SYT16: variants seen among roughly 807,000 people sequenced by gnomAD.
The protein encoded by SYT16 is synaptotagmin-16.
Under a neutral mutation model 61.4 loss-of-function variants are expected in SYT16, and 42 were observed. That is an observed-to-expected ratio of 0.68 (90% CI 0.53 to 0.89). The LOEUF (loss-of-function observed/expected upper bound fraction) is 0.89, where lower values mean the gene tolerates loss of function less well. Among genes scored for constraint, SYT16 ranks in the 40% least tolerant of loss-of-function variants. The pLI, the probability that SYT16 is intolerant of heterozygous loss-of-function variation, is 0.00. For synonymous variants in SYT16, 314 were observed against 302.3 expected (o/e 1.04, Z -0.40); for missense variants, 804 against 807.3 (o/e 1.00, Z 0.05).
At chr14:62,092,768 C>A (rs998851311) in intron 7 of SYT16, among the ~76,000 whole-genome samples, 2 of 151,826 alleles carry the variant, frequency 1.3e-5, no homozygotes, top group African/African-American at 4.8e-5. Context: ...TATGGAGTTT[C>A]AGTTTTTACA....
chr14:61,927,343 G>GA (rs1175855730), intron 1 of SYT16, among the ~76,000 whole-genome samples: 63 of 152,322 alleles, frequency 4.1e-4, no homozygotes, highest in African/African-American at 1.2e-3. Flanking sequence ...CATCCCAGCT[G>GA]TGATCCTGCA....
Position 62,092,676 on chromosome 14 carries a change from G to GA in SYT16, c.1625-7709dup, listed in dbSNP as rs1297620721. Reference sequence around the variant, plus strand: ...CCACTTATAAGAGGTATTTAGAGTAGAAAAAAAAATCATAAAAGCCAGTAG... The same window carrying GA: ...CCACTTATAAGAGGTATTTAGAGTAGAAAAAAAAAATCATAAAAGCCAGTAG... On this transcript the variant is annotated intron_variant, in intron 7 of 7. Coordinates refer to ENST00000683842, the MANE Select transcript of SYT16 (RefSeq NM_001367656.1). Among the ~76,000 whole-genome samples the GA allele has an allele frequency of 1.5e-4, 22 of 150,666 alleles. No individual in the cohort carries two copies. The East Asian group carries it at 1.6e-3, about 11-fold the overall frequency.
chr14:62,044,101 G>A (rs950419215), intron 3 of SYT16, among the ~76,000 whole-genome samples: 2 of 151,910 alleles, frequency 1.3e-5, no homozygotes, highest in Admixed American at 6.6e-5. Context: ...CTTGGAGGCT[G>A]AGGAGGGAGG....
chr14:61,843,167 T>A, intron 1 of SYT16, among the ~76,000 whole-genome samples: 1 of 152,184 alleles, frequency 6.6e-6, no homozygotes, highest in East Asian at 1.9e-4. Context: ...CAACTGTTCT[T>A]CGTAGTTATT....
In SYT16 at chr14:62,069,781, CGGA is replaced by C; in HGVS notation, c.704_706del (p.Gly235del). 6.2e-7 allele frequency: 1 copy of C among 1,614,004 alleles called. No individual in the cohort carries two copies. The highest frequency in any genetic ancestry group is 8.5e-7 in the Non-Finnish European group (1 of 1,179,892). ...AATTCAGCCGTTCGTTGTTGACACA[CGGA>C]GAAGATGGCACAGAAGTATCTGCCT... On this transcript the variant is annotated inframe_deletion, in exon 4 of 8. Coordinates refer to ENST00000683842, the MANE Select transcript of SYT16 (RefSeq NM_001367656.1).
At chr14:62,081,376 A>G in intron 6 of SYT16, 102 bp downstream of exon 6, 8 of 1,311,170 alleles carry the variant, frequency 6.1e-6, no homozygotes, top group Non-Finnish European at 8.3e-6. Flanking sequence ...CAGAGACTTT[A>G]ATTTAATTTT....
At chr14:61,886,571 A>T (rs1391693604) in intron 1 of SYT16, among the ~76,000 whole-genome samples, 2 of 152,212 alleles carry the variant, frequency 1.3e-5, no homozygotes, top group African/African-American at 4.8e-5. Context: ...TTCTTCATTC[A>T]TTCAAGTTTG....
At chr14:61,979,991 A>C (rs1477088712) in intron 2 of SYT16, among the ~76,000 whole-genome samples, 1 of 152,220 alleles carries the variant, frequency 6.6e-6, no homozygotes, top group Admixed American at 6.5e-5. Context: ...TAAGGATTGA[A>C]TGCTCTTTAG....
rs149096530 is a variant in SYT16 at position 62,072,230 on chromosome 14, C to G, written c.736+2415C>G. Among the ~76,000 whole-genome samples, 19 of 152,246 alleles carry G rather than the reference C, an allele frequency of 1.2e-4. No homozygotes were observed. The East Asian group carries it at 3.5e-3, about 28-fold the overall frequency. ...CTAGATGTTATTACTCTGGTGTCCT[C>G]AAAACCAGCTCAATTGTCTCCAGAA... On this transcript the variant is annotated intron_variant, in intron 4 of 7. Coordinates refer to ENST00000683842, the MANE Select transcript of SYT16 (RefSeq NM_001367656.1).
At chr14:61,998,012 A>G (rs1424105343) in intron 3 of SYT16, among the ~76,000 whole-genome samples, 1 of 151,948 alleles carries the variant, frequency 6.6e-6, no homozygotes, top group East Asian at 1.9e-4. Flanking sequence ...ATAATTAACG[A>G]TGGAACAGCA....
chr14:61,978,832 CCCCACTG>C (rs1367600415), intron 2 of SYT16, among the ~76,000 whole-genome samples: 1 of 152,174 alleles, frequency 6.6e-6, no homozygotes, highest in Non-Finnish European at 1.5e-5. Context: ...TGCTTTTCCT[CCCCACTG>C]CCCCATATAT....
intron 1 of SYT16, among the ~76,000 whole-genome samples, chr14:61,933,665 A>G (rs1349016987): frequency 6.6e-6 from 1 of 152,190 alleles, no homozygotes; most frequent in African/African-American, 2.4e-5. Context: ...CTAAAGGGCT[A>G]GTTGTGTGCA....
chr14:62,106,817 T>G lies in SYT16; in HGVS notation c.*6110T>G, dbSNP rs1355167257. 1 of 152,110 alleles carries G rather than the reference T, an allele frequency of 6.6e-6. No individual in the cohort carries two copies. Among genetic ancestry groups the G allele is most frequent in the Admixed American group, 6.5e-5 (1 of 15,268 alleles). The allele number at this position is 152,110 out of a possible 1,614,324, so 9.4% of individuals were successfully genotyped here. A position where few individuals can be genotyped will look rare whatever the true frequency, so the allele number is the denominator to read the frequency against. ...CAATAATCACCTTATTTATATCCAC[T>G]GTGGAACCTGTGAAACAGCTCGAGG... On this transcript the variant is annotated 3_prime_UTR_variant, in exon 8 of 8. Coordinates refer to ENST00000683842, the MANE Select transcript of SYT16 (RefSeq NM_001367656.1).
chr14:61,947,738 G>T (rs1319001253), intron 1 of SYT16, among the ~76,000 whole-genome samples: 1 of 152,156 alleles, frequency 6.6e-6, no homozygotes, highest in Non-Finnish European at 1.5e-5. Flanking sequence ...AGCCTCGTGG[G>T]GATAACAGCT....
chr14:61,995,027 A>G lies in SYT16; in HGVS notation c.-144-849A>G, dbSNP rs150769398. The stretch of plus-strand genomic sequence containing the variant: ...AACGTTCATCTTGAGCTGTTGATGA[A>G]CACTGTAATAGCAATAAGATATATA... On this transcript the variant is annotated intron_variant, in intron 2 of 7. Coordinates refer to ENST00000683842, the MANE Select transcript of SYT16 (RefSeq NM_001367656.1). 2.4e-4 allele frequency among the ~76,000 whole-genome samples: 36 copies of G among 152,292 alleles called. No individual in the cohort carries two copies. The East Asian group carries it at 5.4e-3, about 23-fold the overall frequency.
chr14:62,035,150 C>G lies in SYT16; in HGVS notation c.524-34453C>G, dbSNP rs183494854. The stretch of plus-strand genomic sequence containing the variant: ...CTGGGCACAGCTTGCCTCAAGAGCT[C>G]TGGTAGGTTCTTGTATGAAGGTTCT... On this transcript the variant is annotated intron_variant, in intron 3 of 7. Coordinates refer to ENST00000683842, the MANE Select transcript of SYT16 (RefSeq NM_001367656.1). Among the ~76,000 whole-genome samples, 614 of 152,290 alleles carry G rather than the reference C, an allele frequency of 4.0e-3. 3 individuals carry two copies. Among genetic ancestry groups the G allele is most frequent in the African/African-American group, 0.012 (515 of 41,550 alleles).
chr14:61,820,506 T>G (rs111829422), intron 1 of SYT16, among the ~76,000 whole-genome samples: 17,710 of 113,552 alleles, frequency 0.16, 1,295 homozygotes, highest in African/African-American at 0.21. Flanking sequence ...TTTTGAGACG[T>G]AGTCTCGCTC....
At chr14:61,979,577 C>T (rs1023255771) in intron 2 of SYT16, among the ~76,000 whole-genome samples, 33 of 152,056 alleles carry the variant, frequency 2.2e-4, no homozygotes, top group African/African-American at 7.2e-4. Flanking sequence ...TTTTCTTTTT[C>T]ATTAGATGAT....
intron 3 of SYT16, 25 bp downstream of exon 3, chr14:61,996,567 T>C: frequency 6.4e-7 from 1 of 1,558,516 alleles, no homozygotes; most frequent in African/African-American, 1.4e-5. Context: ...CATCATTTTC[T>C]CTGCGTTCCT....
Sources: allele counts gnomAD v4.1 joint callset (sites outside exome capture counted in the v4.1 genomes callset), GRCh38; gene constraint gnomAD v4.1.1; transcripts MANE v1.5; gene names NCBI Gene and HGNC (gene_info 2026-07-23, HGNC 2026-07-21).